The following NEDD4 variants were observed in gnomAD, a reference collection of about 807,000 sequenced individuals.
NEDD4 encodes NEDD4 E3 ubiquitin protein ligase.
NEDD4 carries 99 observed loss-of-function variants against 144.9 expected under a neutral mutation model. That is an observed-to-expected ratio of 0.68 (90% CI 0.58 to 0.81). NEDD4 has a LOEUF of 0.81. NEDD4 is among the 30% of genes least tolerant of loss of function. The probability of loss-of-function intolerance (pLI) is 0.00; values close to 1 mark genes in which losing one functional copy is unlikely to be tolerated. For missense variants in NEDD4, 985 were observed against 1,065.9 expected, an observed-to-expected ratio of 0.92 and a Z score of 1.06; for synonymous variants, 318 against 350.6, an observed-to-expected ratio of 0.91 and a Z score of 1.04.
chr15:55,914,594 T>G (rs1175406345), intron 5 of NEDD4, among the ~76,000 whole-genome samples: 1 of 151,942 alleles, frequency 6.6e-6, no homozygotes, highest in Non-Finnish European at 1.5e-5. Context: ...GAGTTACATT[T>G]TAGAGGGCAG....
rs1316091977 is a variant in NEDD4, at chr15:55,829,767, T to C, written c.*130A>G. ...TGTCGTACTATTTCTTCAAATGCTT[T>C]TTATATGATTTTCTTCAAGATCTGG... On this transcript the variant is annotated 3_prime_UTR_variant, in exon 29 of 29. Transcript: ENST00000435532. 5.0e-6 allele frequency: 3 copies of C among 605,846 alleles called. No homozygotes were observed. In the East Asian group the frequency reaches 8.4e-5, roughly 17 times the overall value. 37.5% of individuals were successfully genotyped at this position (605,846 alleles called of 1,614,324 possible). A position where few individuals can be genotyped will look rare whatever the true frequency, so the allele number is the denominator to read the frequency against.
intron 5 of NEDD4, among the ~76,000 whole-genome samples, chr15:55,886,114 A>G (rs2035378592): frequency 6.6e-6 from 1 of 152,240 alleles, no homozygotes. Context: ...AGGTCATTAT[A>G]TAATAACAAA....
rs71110358 is a variant in NEDD4, at chr15:55,979,339, C to CTTTTTTTTTTTTTTTTTTT, written c.46-12812_46-12794dup. 3.0e-5 allele frequency among the ~76,000 whole-genome samples: 2 copies of CTTTTTTTTTTTTTTTTTTT among 66,048 alleles called. 1 individual carries two copies. Among genetic ancestry groups the CTTTTTTTTTTTTTTTTTTT allele is most frequent in the Non-Finnish European group, 5.4e-5 (2 of 37,346 alleles). The allele number at this position is 66,048 out of a possible 152,430, so 43.3% of individuals were successfully genotyped here. A position where few individuals can be genotyped will look rare whatever the true frequency, so the allele number is the denominator to read the frequency against. ...AATAAGATCATGAAAGTTTTTACCTCTTTTTTTTTTTTTTTTTTTTTTTTT... is the reference window on the plus strand; with the variant it reads ...AATAAGATCATGAAAGTTTTTACCTCTTTTTTTTTTTTTTTTTTTTTTTTTTTTTTTTTTTTTTTTTTTT... On this transcript the variant is annotated intron_variant, in intron 1 of 28. Coordinates refer to ENST00000435532, the MANE Select transcript of NEDD4 (RefSeq NM_006154.4).
chr15:55,969,530 T>C (rs1215570015), intron 1 of NEDD4, among the ~76,000 whole-genome samples: 1 of 151,860 alleles, frequency 6.6e-6, no homozygotes, highest in African/African-American at 2.4e-5. Context: ...GGAGGAGAGG[T>C]AAGAGTAGAG....
chr15:55,953,131 A>G (rs1165571030), intron 2 of NEDD4, among the ~76,000 whole-genome samples: 1 of 151,616 alleles, frequency 6.6e-6, no homozygotes, highest in Non-Finnish European at 1.5e-5. Flanking sequence ...CTGGGACTGC[A>G]GGCGCACACC....
intron 5 of NEDD4, 95 bp from the exon 6 acceptor site, chr15:55,874,103 A>AT: frequency 4.5e-6 from 3 of 667,894 alleles, no homozygotes; most frequent in South Asian, 2.4e-5. Context: ...GAAAATGTAG[A>AT]GTTTTTTTTT....
intron 5 of NEDD4, among the ~76,000 whole-genome samples, chr15:55,904,445 G>A (rs34718758): frequency 0.058 from 8,826 of 151,972 alleles, 338 homozygotes; most frequent in Non-Finnish European, 0.085. Context: ...TGGGATTACA[G>A]GCGTGCACCA....
chr15:55,856,585 T>A (rs981520207), intron 11 of NEDD4, among the ~76,000 whole-genome samples: 6 of 118,854 alleles, frequency 5.0e-5, no homozygotes, highest in African/African-American at 1.7e-4. Context: ...CTTACTTCCT[T>A]AAGTCCATTC....
Position 55,847,864 on chromosome 15 carries a change from G to C in NEDD4, c.1542+508C>G, listed in dbSNP as rs529838054. 1.8e-4 allele frequency among the ~76,000 whole-genome samples: 23 copies of C among 125,228 alleles called. No homozygotes were observed. In the East Asian group the frequency reaches 5.0e-3, roughly 27 times the overall value. The allele number at this position is 125,228 out of a possible 152,430, so 82.2% of individuals were successfully genotyped here. A position where few individuals can be genotyped will look rare whatever the true frequency, so the allele number is the denominator to read the frequency against. ...ACTAATTTTTTTTGCATTTTTAGTAGAGACAGGGTTTCACCACGTTGGCCG... is the reference window on the plus strand; with the variant it reads ...ACTAATTTTTTTTGCATTTTTAGTACAGACAGGGTTTCACCACGTTGGCCG... On this transcript the variant is annotated intron_variant, in intron 17 of 28. Coordinates refer to ENST00000435532, the MANE Select transcript of NEDD4 (RefSeq NM_006154.4).
intron 18 of NEDD4, among the ~76,000 whole-genome samples, chr15:55,843,666 G>A (rs62046648): frequency 0.093 from 14,159 of 152,150 alleles, 725 homozygotes; most frequent in Middle Eastern, 0.15. Context: ...TAGGGAAAAT[G>A]GAAAGCCCTA....
intron 1 of NEDD4, among the ~76,000 whole-genome samples, chr15:55,986,926 A>G (rs187441780): frequency 6.6e-6 from 1 of 152,272 alleles, no homozygotes. Context: ...TGTCTAGGAT[A>G]AGAAAAACTG....
intron 18 of NEDD4, among the ~76,000 whole-genome samples, chr15:55,843,044 T>C (rs1438071181): frequency 2.0e-5 from 3 of 152,236 alleles, no homozygotes. Context: ...TGATAGTGAA[T>C]GGGTCTCACG....
intron 1 of NEDD4, 120 bp downstream of exon 1, chr15:55,993,391 G>C: frequency 7.7e-7 from 1 of 1,292,802 alleles, no homozygotes; most frequent in Non-Finnish European, 1.1e-6. Flanking sequence ...CCAGGCTCGC[G>C]CCGAGGGAGG....
In NEDD4 at chr15:55,882,675, T is replaced by G. The variant is rs187741635; in HGVS notation, c.292-8667A>C. Among the ~76,000 whole-genome samples the G allele has an allele frequency of 8.4e-4, 128 of 152,254 alleles. 1 individual carries two copies. The highest frequency in any genetic ancestry group is 1.8e-4 in the Non-Finnish European group (12 of 68,024). ...ACCAGTGGACTTGGGGGGCAGGTGA[T>G]CTAGTGAGACACCAGTTGGAGTGGT... On this transcript the variant is annotated intron_variant, in intron 5 of 28. Coordinates refer to ENST00000435532, the MANE Select transcript of NEDD4 (RefSeq NM_006154.4).
At chr15:55,898,631 CTTTTTTTTT>C (rs34372143) in intron 5 of NEDD4, among the ~76,000 whole-genome samples, 1 of 108,318 alleles carries the variant, frequency 9.2e-6, no homozygotes, top group Non-Finnish European at 1.9e-5. Context: ...ACAAAAAGAA[CTTTTTTTTT>C]TTTTTTTTTT....
At chr15:55,830,944 CCATT>C (rs1336069632) in intron 27 of NEDD4, among the ~76,000 whole-genome samples, 2 of 152,188 alleles carry the variant, frequency 1.3e-5, no homozygotes, top group East Asian at 3.9e-4. Context: ...TGGCCACAAG[CCATT>C]CACTCTGTCA....
intron 4 of NEDD4, among the ~76,000 whole-genome samples, chr15:55,935,041 C>A (rs891941591): frequency 6.6e-6 from 1 of 151,512 alleles, no homozygotes. Context: ...GCTAATTTTG[C>A]ATTTTTAGTA....
chr15:55,848,475 AATTT>A (rs1437753533), intron 16 of NEDD4, 42 bp downstream of exon 16: 1 of 1,612,712 alleles, frequency 6.2e-7, no homozygotes, highest in Admixed American at 1.7e-5. Context: ...TCACACATAA[AATTT>A]ATTACAAAAA....
At position 55,830,542 on chromosome 15, in the gene NEDD4, G is replaced by A; in HGVS notation, c.2572C>T (p.Pro858Ser). ...GTATGAGCTCTTGGCAGCTTTTCAG[G>A]AGTACCCCACTGTTCAACTGTAAAT... is the stretch of plus-strand genomic sequence containing the variant. The part of the protein sequence containing the change: ...QSFTVEQWGT[P>S]EKLPRAHTCF... The change falls in exon 28 of 29, where the codon CCT (proline) becomes TCT (serine). Residue 858 changes from proline (P) to serine (S), a missense_variant. Coordinates refer to ENST00000435532, the MANE Select transcript of NEDD4 (RefSeq NM_006154.4). 2 of 1,614,056 alleles carry A rather than the reference G, an allele frequency of 1.2e-6. No homozygotes were observed. The highest frequency in any genetic ancestry group is 2.2e-5 in the East Asian group (1 of 44,884).
Sources: gnomAD v4.1 joint callset for allele counts (sites outside exome capture counted in the v4.1 genomes callset) on GRCh38, gnomAD v4.1.1 for gene constraint, MANE v1.5 for transcripts, NCBI Gene and HGNC (gene_info 2026-07-23, HGNC 2026-07-21) for gene names.